KDM4B: variants seen among roughly 807,000 people sequenced by gnomAD.
The protein encoded by KDM4B is lysine demethylase 4B.
KDM4B carries 32 observed loss-of-function variants against 125.2 expected under a neutral mutation model. The observed-to-expected ratio is 0.26, with a 90% CI of 0.19 to 0.34. KDM4B has a LOEUF of 0.34. Among genes scored for constraint, KDM4B ranks in the 10% least tolerant of loss-of-function variants. The pLI is 1.00. For missense variants in KDM4B, 1,190 were observed against 1,577.7 expected (o/e 0.75, Z 4.16); for synonymous variants, 721 against 677.9 (o/e 1.06, Z -0.99).
chr19:5,079,981 A>G (rs1053186699), intron 8 of KDM4B, among the ~76,000 whole-genome samples: 4 of 152,256 alleles, frequency 2.6e-5, no homozygotes, highest in East Asian at 1.9e-4. Context: ...CGTCCTGCAC[A>G]GTGAGGGCCA....
At chr19:4,990,858 C>T (rs1275452285) in intron 1 of KDM4B, among the ~76,000 whole-genome samples, 7 of 152,032 alleles carry the variant, frequency 4.6e-5, no homozygotes, top group East Asian at 1.9e-4. Flanking sequence ...TGATGGCTCA[C>T]GCCTATAATC....
intron 9 of KDM4B, among the ~76,000 whole-genome samples, chr19:5,094,889 C>T (rs559670485): frequency 1.3e-5 from 2 of 152,320 alleles, no homozygotes; most frequent in East Asian, 3.9e-4. Flanking sequence ...TGGCCGTGTC[C>T]TGGGCAGCGC....
chr19:5,070,246 C>T (rs1178716833), intron 6 of KDM4B, among the ~76,000 whole-genome samples: 1 of 152,074 alleles, frequency 6.6e-6, no homozygotes, highest in African/African-American at 2.4e-5. Context: ...TGGGTGGTGT[C>T]CCCGTTGGCA....
chr19:5,070,336 G>C (rs1277929848), intron 6 of KDM4B, among the ~76,000 whole-genome samples: 2 of 152,206 alleles, frequency 1.3e-5, no homozygotes, highest in East Asian at 1.9e-4. Context: ...CAACATCGCA[G>C]GTCTCCAGCT....
chr19:5,118,858 G>A (rs1274135373), intron 10 of KDM4B, among the ~76,000 whole-genome samples: 19 of 152,220 alleles, frequency 1.2e-4, no homozygotes, highest in Admixed American at 1.2e-3. Context: ...TCCAGGTTGG[G>A]CATGCAGGAT....
chr19:5,110,617 C>T lies in KDM4B; in HGVS notation c.919-5C>T, dbSNP rs377565003. On this transcript the variant is annotated splice_polypyrimidine_tract_variant and splice_region_variant and intron_variant, in intron 9 of 22. Transcript: ENST00000159111. ...CGAGGGCTCAGACCGTGTCCCCTGC[C>T]GCAGTGCACGTGCCGGAAGGACATG... 2.4e-4 allele frequency: 390 copies of T among 1,612,832 alleles called. No homozygotes were observed. Among genetic ancestry groups the T allele is most frequent in the Middle Eastern group, 8.3e-4 (5 of 6,054 alleles).
intron 6 of KDM4B, among the ~76,000 whole-genome samples, chr19:5,060,690 C>T (rs893631288): frequency 2.0e-5 from 3 of 152,066 alleles, no homozygotes; most frequent in Admixed American, 6.5e-5. Flanking sequence ...GCCGGTTTGA[C>T]GGCAGGCACG....
intron 1 of KDM4B, among the ~76,000 whole-genome samples, chr19:4,977,039 G>GTT (rs149220369): frequency 6.9e-4 from 104 of 149,824 alleles, no homozygotes; most frequent in Admixed American, 2.1e-3. Context: ...TTTCTTTTCT[G>GTT]TTTTTTTTTT....
chr19:5,094,356 A>G (rs769411194), intron 9 of KDM4B, among the ~76,000 whole-genome samples: 11 of 152,176 alleles, frequency 7.2e-5, no homozygotes, highest in Non-Finnish European at 1.0e-4. Flanking sequence ...TGAGCGGGGG[A>G]CCTGGCAGAG....
intron 6 of KDM4B, among the ~76,000 whole-genome samples, chr19:5,061,136 C>T (rs117929372): frequency 3.9e-5 from 6 of 152,298 alleles, no homozygotes; most frequent in Non-Finnish European, 7.4e-5. Context: ...CCATGGCCAC[C>T]GTGCCAGGAA....
chr19:5,098,673 G>A (rs542815652), intron 9 of KDM4B, among the ~76,000 whole-genome samples: 1 of 152,256 alleles, frequency 6.6e-6, no homozygotes, highest in South Asian at 2.1e-4. Context: ...TGGGGCCTCT[G>A]GGAGGCGACG....
At position 5,114,420 on chromosome 19, in the gene KDM4B, CCTGCCAGGG is replaced by C. The variant is rs1333586616; in HGVS notation, c.1115+3609_1115+3617del. 2.3e-6 allele frequency: 1 copy of C among 429,350 alleles called. No individual in the cohort carries two copies. Among genetic ancestry groups the C allele is most frequent in the East Asian group, 7.2e-5 (1 of 13,982 alleles). The allele number at this position is 429,350 out of a possible 1,614,324, so 26.6% of individuals were successfully genotyped here. A position where few individuals can be genotyped will look rare whatever the true frequency, so the allele number is the denominator to read the frequency against. ...CACCGCCACGCCTCTGGCCCCGACT[CCTGCCAGGG>C]CTGCCACGGCTGCCACACCCCAGCT... is the stretch of plus-strand genomic sequence containing the variant. On this transcript the variant is annotated intron_variant, in intron 10 of 22. Transcript: ENST00000159111. The surrounding 1 kb of genome is among the most constrained non-coding windows in gnomAD (Gnocchi z 5.8).
At chr19:5,006,051 T>G (rs1258006998) in intron 1 of KDM4B, among the ~76,000 whole-genome samples, 1 of 151,842 alleles carries the variant, frequency 6.6e-6, no homozygotes, top group Admixed American at 6.6e-5. Context: ...AGGGGACAGT[T>G]TTTGATGTTC....
At chr19:5,126,551 A>G (rs1420080278) in intron 11 of KDM4B, among the ~76,000 whole-genome samples, 2 of 152,224 alleles carry the variant, frequency 1.3e-5, no homozygotes, top group Admixed American at 1.3e-4. Flanking sequence ...TGGGGCAGCC[A>G]GCCCCCAGCC....
At chr19:5,056,181 G>A (rs1207624974) in intron 6 of KDM4B, among the ~76,000 whole-genome samples, 1 of 152,302 alleles carries the variant, frequency 6.6e-6, no homozygotes, top group East Asian at 1.9e-4. Flanking sequence ...TTAGATTGGG[G>A]TGATGGGTTT....
At chr19:4,984,027 G>A (rs781164282) in intron 1 of KDM4B, among the ~76,000 whole-genome samples, 1 of 152,194 alleles carries the variant, frequency 6.6e-6, no homozygotes, top group Non-Finnish European at 1.5e-5. Flanking sequence ...TGTCTCTTAA[G>A]GGACACCTGG....
intron 1 of KDM4B, among the ~76,000 whole-genome samples, chr19:4,983,417 C>A (rs1402312174): frequency 6.6e-6 from 1 of 152,214 alleles, no homozygotes; most frequent in Non-Finnish European, 1.5e-5. Flanking sequence ...CCAGCAATGG[C>A]AGGACACGCT....
chr19:5,086,272 G>A (rs1007497411), intron 9 of KDM4B, among the ~76,000 whole-genome samples: 1 of 151,286 alleles, frequency 6.6e-6, no homozygotes, highest in African/African-American at 2.4e-5. Context: ...TCCTGCCCTG[G>A]CCGGGCCCTG....
At position 5,137,316 on chromosome 19, in the gene KDM4B, G is replaced by A; in HGVS notation, c.2363G>A (p.Cys788Tyr). The A allele has an allele frequency of 6.3e-7, 1 of 1,577,088 alleles. No homozygotes were observed. Among genetic ancestry groups the A allele is most frequent in the Non-Finnish European group, 8.6e-7 (1 of 1,161,658 alleles). The stretch of plus-strand genomic sequence containing the variant: ...AATGAAGGCTGGACGTGTTCCCGGT[G>A]CGCGGCCCACGCCTGGACTGCGGTA... ...LVNEGWTCSR[C>Y]AAHAWTAECC... The change falls in exon 16 of 23, where the codon TGC (cysteine) becomes TAC (tyrosine). Residue 788 changes from cysteine (C) to tyrosine (Y), a missense_variant. Coordinates refer to ENST00000159111, the MANE Select transcript of KDM4B (RefSeq NM_015015.3).
Sources: gnomAD v4.1 joint callset for allele counts (sites outside exome capture counted in the v4.1 genomes callset) on GRCh38, gnomAD v4.1.1 for gene constraint, Gnocchi (gnomAD v3.1) non-coding constraint, MANE v1.5 for transcripts, NCBI Gene and HGNC (gene_info 2026-07-23, HGNC 2026-07-21) for gene names.